ARIH1: variants seen among roughly 807,000 people sequenced by gnomAD.
ARIH1 encodes the protein E3 ubiquitin-protein ligase ARIH1.
ARIH1 carries 8 observed loss-of-function variants against 85.0 expected under a neutral mutation model. The ratio of observed to expected loss-of-function variants is 0.09; its 90% CI spans 0.06 to 0.17. ARIH1 has a LOEUF of 0.17. ARIH1 is among the 10% of genes least tolerant of loss of function. The pLI is 1.00. For missense variants in ARIH1, 311 were observed against 718.1 expected (o/e 0.43, Z 6.48); for synonymous variants, 238 against 253.6 (o/e 0.94, Z 0.59).
chr15:72,536,228 T>C (rs2064081228), intron 2 of ARIH1, among the ~76,000 whole-genome samples: 1 of 152,224 alleles, frequency 6.6e-6, no homozygotes. Flanking sequence ...TTAACTTCTT[T>C]TGTAAATGTC....
chr15:72,481,365 A>G (rs538618787), intron 1 of ARIH1, among the ~76,000 whole-genome samples: 2 of 152,298 alleles, frequency 1.3e-5, no homozygotes, highest in East Asian at 3.9e-4. Context: ...ACGTGTAGTG[A>G]TAGATTACTA....
chr15:72,514,100 A>G (rs1486181317), intron 1 of ARIH1, among the ~76,000 whole-genome samples: 2 of 151,438 alleles, frequency 1.3e-5, no homozygotes, highest in Admixed American at 1.3e-4. Context: ...TTAGCCTCCC[A>G]AAGCACTGAA....
intron 2 of ARIH1, among the ~76,000 whole-genome samples, chr15:72,530,043 A>G (rs2064048786): frequency 1.3e-5 from 2 of 152,204 alleles, no homozygotes; most frequent in Non-Finnish European, 2.9e-5. Context: ...TATTGTCCTG[A>G]CTTACAATAG....
intron 9 of ARIH1, 56 bp downstream of exon 9, chr15:72,567,233 T>G: frequency 7.0e-7 from 1 of 1,436,010 alleles, no homozygotes; most frequent in Non-Finnish European, 9.6e-7. Flanking sequence ...ATTGGTACTT[T>G]GGCATTAGCA....
chr15:72,505,746 T>C (rs1167671295), intron 1 of ARIH1, among the ~76,000 whole-genome samples: 1 of 152,168 alleles, frequency 6.6e-6, no homozygotes, highest in Non-Finnish European at 1.5e-5. Context: ...GTCTTTTTTT[T>C]CTCCCTGAGA....
rs1329387640 is a variant in ARIH1 at position 72,597,335 on chromosome 15, G to T, written c.*14043G>T. On this transcript the variant is annotated 3_prime_UTR_variant, in exon 14 of 14. Transcript: ENST00000379887. ...ACCAGGGCCTGAGTTTTGGGCATTG[G>T]CAAGATTCCAGAGATCTGACTTTGC... 1 of 152,158 alleles carries T rather than the reference G, an allele frequency of 6.6e-6. No homozygotes were observed. The highest frequency in any genetic ancestry group is 1.5e-5 in the Non-Finnish European group (1 of 68,026). The allele number at this position is 152,158 out of a possible 1,614,324, so 9.4% of individuals were successfully genotyped here.
chr15:72,483,420 C>G (rs2063824285), intron 1 of ARIH1, among the ~76,000 whole-genome samples: 1 of 152,148 alleles, frequency 6.6e-6, no homozygotes, highest in South Asian at 2.1e-4. Context: ...CATCACTTTG[C>G]AATATTCTAT....
chr15:72,475,202 G>T (rs1225198081), intron 1 of ARIH1, 188 bp downstream of exon 1: 1 of 1,257,202 alleles, frequency 8.0e-7, no homozygotes, highest in Non-Finnish European at 1.0e-6. Context: ...GATTAGCCGG[G>T]TGTGGGGAGG....
rs2064385647 is a variant in ARIH1 at position 72,602,575 on chromosome 15, A to G, written c.*19283A>G. 1 of 152,238 alleles carries G rather than the reference A, an allele frequency of 6.6e-6. No individual in the cohort carries two copies. The highest frequency in any genetic ancestry group is 1.5e-5 in the Non-Finnish European group (1 of 68,040). 9.4% of individuals were successfully genotyped at this position (152,238 alleles called of 1,614,324 possible). ...CTCTTCAGTGGTTTCCACACCAAAA[A>G]ATCCACAGGCTCCTGAATTTTATAT... On this transcript the variant is annotated 3_prime_UTR_variant, in exon 14 of 14. Coordinates refer to ENST00000379887, the MANE Select transcript of ARIH1 (RefSeq NM_005744.5).
intron 2 of ARIH1, among the ~76,000 whole-genome samples, chr15:72,519,165 C>T (rs2063987822): frequency 6.6e-6 from 1 of 151,718 alleles, no homozygotes; most frequent in African/African-American, 2.4e-5. Flanking sequence ...AAAAATTAAA[C>T]CTAGTTGTTG....
chr15:72,559,507 A>G (rs1383838792), intron 5 of ARIH1, among the ~76,000 whole-genome samples: 3 of 152,048 alleles, frequency 2.0e-5, no homozygotes, highest in Non-Finnish European at 4.4e-5. Context: ...CCTGACCCCA[A>G]GTGATCACCC....
chr15:72,531,323 A>G (rs1218233566), intron 2 of ARIH1, among the ~76,000 whole-genome samples: 1 of 152,110 alleles, frequency 6.6e-6, no homozygotes, highest in African/African-American at 2.4e-5. Flanking sequence ...GCTGGAGTGC[A>G]GTGGCACAGT....
rs2064343224 is a variant in ARIH1 at position 72,591,417 on chromosome 15, T to C, written c.*8125T>C. 1.3e-5 allele frequency: 2 copies of C among 152,282 alleles called. No homozygotes were observed. Among genetic ancestry groups the C allele is most frequent in the South Asian group, 4.1e-4 (2 of 4,826 alleles). The allele number at this position is 152,282 out of a possible 1,614,324, so 9.4% of individuals were successfully genotyped here. ...GCCAGTTCAGTGCACATTAAATGGC[T>C]GTTCTTAGAATTATGAATCTGAGGC... On this transcript the variant is annotated 3_prime_UTR_variant, in exon 14 of 14. Transcript: ENST00000379887.
At chr15:72,475,250 G>A (rs2063789884) in intron 1 of ARIH1, 2 of 895,144 alleles carry the variant, frequency 2.2e-6, no homozygotes, top group Non-Finnish European at 3.0e-6. Flanking sequence ...CTGCTATGGC[G>A]GAGGCCTTCG....
chr15:72,568,148 T>C (rs1873505673), intron 9 of ARIH1, among the ~76,000 whole-genome samples: 1 of 152,152 alleles, frequency 6.6e-6, no homozygotes, highest in Non-Finnish European at 1.5e-5. Flanking sequence ...AAATTAATAT[T>C]TTTTGTTCCC....
In ARIH1 at chr15:72,583,895, C is replaced by T. The variant is rs1235570987; in HGVS notation, c.*603C>T. On this transcript the variant is annotated 3_prime_UTR_variant, in exon 14 of 14. Coordinates refer to ENST00000379887, the MANE Select transcript of ARIH1 (RefSeq NM_005744.5). Reference sequence around the variant, plus strand: ...TGACTTTTAAAACAAGAGGACAACACAGTATTTTTCAAAATTGTATATAGC... The same window carrying T: ...TGACTTTTAAAACAAGAGGACAACATAGTATTTTTCAAAATTGTATATAGC... 3.3e-5 allele frequency: 5 copies of T among 152,170 alleles called. No individual in the cohort carries two copies. The highest frequency in any genetic ancestry group is 1.5e-5 in the Non-Finnish European group (1 of 68,032). 9.4% of individuals were successfully genotyped at this position (152,170 alleles called of 1,614,324 possible). A position where few individuals can be genotyped will look rare whatever the true frequency, so the allele number is the denominator to read the frequency against.
At position 72,595,808 on chromosome 15, in the gene ARIH1, G is replaced by GTTTTTTTTTTTTTTTTTTTTTCTT. The variant is rs59597213; in HGVS notation, c.*12534_*12535insTTTCTTTTTTTTTTTTTTTTTTTT. On this transcript the variant is annotated 3_prime_UTR_variant, in exon 14 of 14. Transcript: ENST00000379887. ...TATTGCAGTGTTTTTTGTTTTTTCT[G>GTTTTTTTTTTTTTTTTTTTTTCTT]TTTTTTTTTTTTTTTTTTCATCTTT... The GTTTTTTTTTTTTTTTTTTTTTCTT allele has an allele frequency of 4.1e-5, 5 of 122,822 alleles. No individual in the cohort carries two copies. Among genetic ancestry groups the GTTTTTTTTTTTTTTTTTTTTTCTT allele is most frequent in the African/African-American group, 1.1e-4 (4 of 36,102 alleles). 7.6% of individuals were successfully genotyped at this position (122,822 alleles called of 1,614,324 possible).
Position 72,558,451 on chromosome 15 carries a change from A to G in ARIH1, c.737+2544A>G, listed in dbSNP as rs2064184145. Among the ~76,000 whole-genome samples, 4 of 152,192 alleles carry G rather than the reference A, an allele frequency of 2.6e-5. No homozygotes were observed. The South Asian group carries it at 8.3e-4, about 32-fold the overall frequency. ...TGAGTAGCTGAGATTACAGGTGTAC[A>G]CCATCACGTCCGGATAAGTTTTGTA... On this transcript the variant is annotated intron_variant, in intron 5 of 13. Transcript: ENST00000379887.
In ARIH1 at chr15:72,582,035, T is replaced by C. The variant is rs2064297208; in HGVS notation, c.1477-40T>C. On this transcript the variant is annotated intron_variant, in intron 12 of 13. Transcript: ENST00000379887. This position sits in a 1 kb window ranked among gnomAD's most constrained non-coding sequence, Gnocchi z 4.6. ...CAGTGAAAATGGTTTATCTTTTAGCTTTATTTTGAAGCCAAAATTTACTTT... is the reference window on the plus strand; with the variant it reads ...CAGTGAAAATGGTTTATCTTTTAGCCTTATTTTGAAGCCAAAATTTACTTT... 2 of 1,427,318 alleles carry C rather than the reference T, an allele frequency of 1.4e-6. No homozygotes were observed. The highest frequency in any genetic ancestry group is 2.0e-6 in the Non-Finnish European group (2 of 1,017,994). The allele number at this position is 1,427,318 out of a possible 1,614,324, so 88.4% of individuals were successfully genotyped here. A position where few individuals can be genotyped will look rare whatever the true frequency, so the allele number is the denominator to read the frequency against.
Sources: gnomAD v4.1 joint callset for allele counts (sites outside exome capture counted in the v4.1 genomes callset) on GRCh38, gnomAD v4.1.1 for gene constraint, Gnocchi (gnomAD v3.1) non-coding constraint, MANE v1.5 for transcripts, NCBI Gene and HGNC (gene_info 2026-07-23, HGNC 2026-07-21) for gene names.